SGIP1: variants seen among roughly 807,000 people sequenced by gnomAD.
SGIP1 encodes the protein SH3-containing GRB2-like protein 3-interacting protein 1.
A neutral mutation model predicts 107.5 loss-of-function variants in SGIP1; 38 were observed. The ratio of observed to expected loss-of-function variants is 0.35; its 90% CI spans 0.27 to 0.46. The LOEUF (loss-of-function observed/expected upper bound fraction) is 0.46. Ranked by LOEUF, SGIP1 falls within the 20% of genes least tolerant of loss-of-function variation. The pLI is 1.00. For synonymous variants in SGIP1, 365 were observed against 366.1 expected, an observed-to-expected ratio of 1.00 and a Z score of 0.03; for missense variants, 929 against 1,019.5, an observed-to-expected ratio of 0.91 and a Z score of 1.21.
rs985226845 is a variant in SGIP1 at position 66,745,613 on chromosome 1, T to C, written c.*2518T>C. 2 of 152,062 alleles carry C rather than the reference T, an allele frequency of 1.3e-5. No individual in the cohort carries two copies. Among genetic ancestry groups the C allele is most frequent in the African/African-American group, 4.8e-5 (2 of 41,430 alleles). 9.4% of individuals were successfully genotyped at this position (152,062 alleles called of 1,614,324 possible). ...AGTCAGATTCATTTATTCATTTTAT[T>C]CCCAAGTCAGAACAAAATGAACTAG... is the stretch of plus-strand genomic sequence containing the variant. On this transcript the variant is annotated 3_prime_UTR_variant, in exon 25 of 25. Coordinates refer to ENST00000371037, the MANE Select transcript of SGIP1 (RefSeq NM_032291.4).
At chr1:66,679,790 A>C in intron 14 of SGIP1, 38 bp downstream of exon 14, 8 of 1,542,890 alleles carry the variant, frequency 5.2e-6, no homozygotes, top group Non-Finnish European at 7.0e-6. Context: ...ATGATGTGTC[A>C]AACAGAGCAG....
chr1:66,584,549 T>C (rs2062285778), intron 1 of SGIP1, among the ~76,000 whole-genome samples: 1 of 149,472 alleles, frequency 6.7e-6, no homozygotes, highest in Non-Finnish European at 1.5e-5. Context: ...GTTCACAAGT[T>C]GGGTTTTTTC....
chr1:66,713,829 A>G (rs1397019653), intron 18 of SGIP1, among the ~76,000 whole-genome samples: 1 of 152,156 alleles, frequency 6.6e-6, no homozygotes, highest in Non-Finnish European at 1.5e-5. Context: ...TATTGACACA[A>G]GTATTATCAA....
chr1:66,568,912 G>A (rs749942867), intron 1 of SGIP1, among the ~76,000 whole-genome samples: 14 of 151,992 alleles, frequency 9.2e-5, no homozygotes, highest in Non-Finnish European at 1.5e-4. Flanking sequence ...GGAACTAGCT[G>A]CTACCCCATA....
intron 4 of SGIP1, among the ~76,000 whole-genome samples, chr1:66,638,132 A>G (rs1159008514): frequency 1.3e-5 from 2 of 152,130 alleles, no homozygotes; most frequent in African/African-American, 2.4e-5. Context: ...TGTTTATTAT[A>G]CATACTTTCT....
chr1:66,654,373 C>G (rs2079321638), intron 7 of SGIP1, among the ~76,000 whole-genome samples: 1 of 152,112 alleles, frequency 6.6e-6, no homozygotes, highest in African/African-American at 2.4e-5. Flanking sequence ...AGTGCACATC[C>G]AGTGAGATTG....
intron 7 of SGIP1, among the ~76,000 whole-genome samples, chr1:66,657,037 G>A (rs114929130): frequency 2.5e-4 from 38 of 151,810 alleles, no homozygotes; most frequent in African/African-American, 8.9e-4. Context: ...TTACCCAGGC[G>A]CAGTGGCATG....
intron 1 of SGIP1, among the ~76,000 whole-genome samples, chr1:66,578,807 G>T (rs545190945): frequency 5.3e-5 from 8 of 152,254 alleles, no homozygotes; most frequent in African/African-American, 1.9e-4. Flanking sequence ...GAGTAGCTGG[G>T]ATTATAGGCA....
Position 66,739,325 on chromosome 1 carries a change from G to T in SGIP1, c.2032-10G>T, listed in dbSNP as rs199930386. 1.9e-6 allele frequency: 3 copies of T among 1,613,372 alleles called. No homozygotes were observed. Among genetic ancestry groups the T allele is most frequent in the Non-Finnish European group, 2.5e-6 (3 of 1,179,652 alleles). On this transcript the variant is annotated splice_polypyrimidine_tract_variant and intron_variant, in intron 21 of 24. Coordinates refer to ENST00000371037, the MANE Select transcript of SGIP1 (RefSeq NM_032291.4). ...ATATGTTGTTATTTTCTTTCCTGTCGTTCGGCAAGGTGTCTGCCCAGGGCA... is the reference window on the plus strand; with the variant it reads ...ATATGTTGTTATTTTCTTTCCTGTCTTTCGGCAAGGTGTCTGCCCAGGGCA...
intron 18 of SGIP1, among the ~76,000 whole-genome samples, chr1:66,712,106 G>A (rs1403142951): frequency 6.6e-6 from 1 of 152,134 alleles, no homozygotes; most frequent in Non-Finnish European, 1.5e-5. Flanking sequence ...AGAAAGAGAC[G>A]TTTAAAATAG....
At chr1:66,735,751 C>T (rs1264490983) in intron 21 of SGIP1, among the ~76,000 whole-genome samples, 1 of 30,682 alleles carries the variant, frequency 3.3e-5, no homozygotes. Flanking sequence ...ACCCGGGAGG[C>T]GGAGCTTGCA....
intron 1 of SGIP1, among the ~76,000 whole-genome samples, chr1:66,618,816 C>T (rs1367771787): frequency 2.6e-5 from 4 of 152,080 alleles, no homozygotes; most frequent in South Asian, 4.1e-4. Flanking sequence ...TGTGAGAACA[C>T]GAATCTTATA....
intron 15 of SGIP1, among the ~76,000 whole-genome samples, chr1:66,683,905 CAG>C (rs1557615638): frequency 1.3e-5 from 2 of 151,624 alleles, no homozygotes; most frequent in Admixed American, 6.6e-5. Flanking sequence ...TCAGTAGAGA[CAG>C]AGTTTCACCA....
chr1:66,708,430 A>G (rs1048335149), intron 18 of SGIP1, among the ~76,000 whole-genome samples: 6 of 152,184 alleles, frequency 3.9e-5, no homozygotes, highest in African/African-American at 7.2e-5. Context: ...GAGTCTTCAT[A>G]CTAAGACAAA....
chr1:66,667,342 G>T (rs939991128), intron 8 of SGIP1, among the ~76,000 whole-genome samples, 188 bp from the exon 9 acceptor site: 1 of 152,142 alleles, frequency 6.6e-6, no homozygotes, highest in Admixed American at 6.5e-5. Context: ...CTCTCTTTAA[G>T]GTTCTCCAAA....
chr1:66,563,986 G>A (rs1343810893), intron 1 of SGIP1, among the ~76,000 whole-genome samples: 1 of 151,974 alleles, frequency 6.6e-6, no homozygotes, highest in Non-Finnish European at 1.5e-5. Context: ...GTTAAACCCA[G>A]ACTGTAAGCA....
intron 18 of SGIP1, among the ~76,000 whole-genome samples, chr1:66,717,680 A>G (rs2093320897): frequency 6.6e-6 from 1 of 152,164 alleles, no homozygotes; most frequent in Admixed American, 6.6e-5. Context: ...GAACTCATAC[A>G]TACCCCAGTG....
At chr1:66,713,899 G>A (rs1284478734) in intron 18 of SGIP1, among the ~76,000 whole-genome samples, 4 of 152,014 alleles carry the variant, frequency 2.6e-5, no homozygotes, top group Admixed American at 6.6e-5. Context: ...GCACACATGC[G>A]CAGATTATAT....
chr1:66,599,088 G>A (rs141785289), intron 1 of SGIP1, among the ~76,000 whole-genome samples: 7 of 152,054 alleles, frequency 4.6e-5, no homozygotes, highest in Non-Finnish European at 8.8e-5. Context: ...AATACAATTC[G>A]GTTGTTATTT....
Sources: allele counts gnomAD v4.1 joint callset (sites outside exome capture counted in the v4.1 genomes callset), GRCh38; gene constraint gnomAD v4.1.1; transcripts MANE v1.5; gene names NCBI Gene and HGNC (gene_info 2026-07-23, HGNC 2026-07-21).